The following USP25 variants were observed in gnomAD, a reference collection of about 807,000 sequenced individuals.
USP25 encodes the protein ubiquitin specific peptidase 25.
In USP25, 85 loss-of-function variants were observed where a neutral mutation model predicts 158.5. The observed-to-expected ratio is 0.54, with a 90% CI of 0.45 to 0.64. The LOEUF is 0.64. Among genes scored for constraint, USP25 ranks in the 30% least tolerant of loss-of-function variants. USP25 has a pLI of 0.00. For synonymous variants in USP25, 464 were observed against 460.4 expected, an observed-to-expected ratio of 1.01 and a Z score of -0.10; for missense variants, 1,242 against 1,327.3, an observed-to-expected ratio of 0.94 and a Z score of 1.00.
rs2036318400 is a variant in USP25, at chr21:15,805,153, G to A, written c.675G>A (p.Leu225=). The A allele has an allele frequency of 6.2e-7, 1 of 1,603,848 alleles. No individual in the cohort carries two copies. The highest frequency in any genetic ancestry group is 1.3e-5 in the African/African-American group (1 of 74,146). ...EHRNLPFMRE[L]RYLFALLVGT... ...GGAATTTGCCTTTTATGCGTGAGCT[G>A]AGGTATCTATTTGCACTTCTTGTTG... The change falls in exon 7 of 26, where the codon CTG becomes CTA. Residue 225 remains leucine (L), a synonymous_variant. Coordinates refer to ENST00000400183, the MANE Select transcript of USP25 (RefSeq NM_001283041.3).
chr21:15,802,027 T>C (rs1245281788), intron 6 of USP25, among the ~76,000 whole-genome samples: 1 of 151,524 alleles, frequency 6.6e-6, no homozygotes, highest in Non-Finnish European at 1.5e-5. Flanking sequence ...GATGTAATCA[T>C]CCCCTCTCCC....
intron 5 of USP25, among the ~76,000 whole-genome samples, chr21:15,792,892 T>C (rs529834378): frequency 5.3e-5 from 8 of 151,748 alleles, no homozygotes; most frequent in African/African-American, 1.9e-4. Flanking sequence ...TTAACATAAA[T>C]CTATAGTAGT....
chr21:15,813,909 T>C (rs1173716874), intron 9 of USP25, among the ~76,000 whole-genome samples: 1 of 151,894 alleles, frequency 6.6e-6, no homozygotes, highest in Non-Finnish European at 1.5e-5. Flanking sequence ...GTTTCTGATA[T>C]AGTTTGGTCA....
chr21:15,878,131 T>C, intron 25 of USP25, 140 bp downstream of exon 25: 1 of 1,068,872 alleles, frequency 9.4e-7, no homozygotes, highest in Non-Finnish European at 1.3e-6. Context: ...GATTACTCTT[T>C]TTCCATATTG....
chr21:15,864,817 A>G (rs2039586149), intron 21 of USP25, among the ~76,000 whole-genome samples: 1 of 152,116 alleles, frequency 6.6e-6, no homozygotes, highest in African/African-American at 2.4e-5. Flanking sequence ...AATATCCCTC[A>G]TCTCTTCGTT....
chr21:15,830,395 T>C, intron 14 of USP25, 136 bp from the exon 15 acceptor site: 1 of 589,970 alleles, frequency 1.7e-6, no homozygotes, highest in Non-Finnish European at 2.9e-6. Flanking sequence ...AGATTTCAAA[T>C]GGTAATGTTT....
At chr21:15,751,608 C>A (rs7278387) in intron 1 of USP25, among the ~76,000 whole-genome samples, 2,732 of 152,230 alleles carry the variant, frequency 0.018, 69 homozygotes, top group African/African-American at 0.062. Flanking sequence ...ATTTAAACTG[C>A]AGACATAGTG....
intron 23 of USP25, among the ~76,000 whole-genome samples, chr21:15,873,375 C>A (rs992610961): frequency 1.3e-5 from 2 of 152,076 alleles, no homozygotes; most frequent in Non-Finnish European, 1.5e-5. Flanking sequence ...GTCACCACCA[C>A]CTCCCAAAGT....
intron 19 of USP25, among the ~76,000 whole-genome samples, chr21:15,848,893 C>G (rs953831749): frequency 5.9e-5 from 9 of 152,096 alleles, no homozygotes; most frequent in Non-Finnish European, 1.3e-4. Flanking sequence ...GAGGCAATCT[C>G]TTGATTTCTG....
chr21:15,825,121 GA>G lies in USP25; in HGVS notation c.1304+61del, dbSNP rs1181862072. ...TCAGAAACCATGTATTTGGTGACTA[GA>G]TTTTTAATTTCAAATTTGCTTTGAG... On this transcript the variant is annotated intron_variant, in intron 12 of 25. Coordinates refer to ENST00000400183, the MANE Select transcript of USP25 (RefSeq NM_001283041.3). 9.5e-5 allele frequency: 121 copies of G among 1,278,020 alleles called. 1 individual carries two copies. The East Asian group carries it at 2.8e-3, about 30-fold the overall frequency. The allele number at this position is 1,278,020 out of a possible 1,614,324, so 79.2% of individuals were successfully genotyped here. A position where few individuals can be genotyped will look rare whatever the true frequency, so the allele number is the denominator to read the frequency against.
chr21:15,745,205 A>T (rs1170240281), intron 1 of USP25: 5 of 152,048 alleles, frequency 3.3e-5, no homozygotes, highest in Non-Finnish European at 7.4e-5. Flanking sequence ...TCTTTTCCTT[A>T]TTGACCATTT....
At position 15,732,652 on chromosome 21, in the gene USP25, A is replaced by C. The variant is rs1210549725; in HGVS notation, c.45+2214A>C. Among the ~76,000 whole-genome samples, 5 of 152,216 alleles carry C rather than the reference A, an allele frequency of 3.3e-5. No individual in the cohort carries two copies. The East Asian group carries it at 9.6e-4, about 29-fold the overall frequency. Reference sequence around the variant, plus strand: ...AACTGTGTGTACATATGTGTTTTTAAATTTTAAGTATTTACTATTTAAAAT... The same window carrying C: ...AACTGTGTGTACATATGTGTTTTTACATTTTAAGTATTTACTATTTAAAAT... On this transcript the variant is annotated intron_variant, in intron 1 of 25. Coordinates refer to ENST00000400183, the MANE Select transcript of USP25 (RefSeq NM_001283041.3).
intron 3 of USP25, among the ~76,000 whole-genome samples, chr21:15,771,529 G>C (rs1024144634): frequency 6.6e-6 from 1 of 152,180 alleles, no homozygotes; most frequent in African/African-American, 2.4e-5. Flanking sequence ...GAGATGAATA[G>C]TGAGGACACA....
At chr21:15,776,970 A>T (rs1427107608) in intron 3 of USP25, among the ~76,000 whole-genome samples, 1 of 152,234 alleles carries the variant, frequency 6.6e-6, no homozygotes, top group Non-Finnish European at 1.5e-5. Context: ...ATTATTTTGT[A>T]ACCTGTTACC....
At chr21:15,760,936 C>T (rs2033686072) in intron 1 of USP25, among the ~76,000 whole-genome samples, 1 of 152,144 alleles carries the variant, frequency 6.6e-6, no homozygotes, top group Admixed American at 6.5e-5. Flanking sequence ...TTATATTTCT[C>T]CGGTTGTCTC....
At position 15,731,719 on chromosome 21, in the gene USP25, A is replaced by G. The variant is rs142780298; in HGVS notation, c.45+1281A>G. Among the ~76,000 whole-genome samples, 356 of 152,378 alleles carry G rather than the reference A, an allele frequency of 2.3e-3. 3 individuals are homozygous for G. The highest frequency in any genetic ancestry group is 8.1e-3 in the African/African-American group (335 of 41,598). On this transcript the variant is annotated intron_variant, in intron 1 of 25. Coordinates refer to ENST00000400183, the MANE Select transcript of USP25 (RefSeq NM_001283041.3). Reference sequence around the variant, plus strand: ...AAGTTAGAAGGATATTGCACACTGCACTTTATTTACAGTGAAATAATTCAA... The same window carrying G: ...AAGTTAGAAGGATATTGCACACTGCGCTTTATTTACAGTGAAATAATTCAA...
chr21:15,878,327 A>AT lies in USP25; in HGVS notation c.3236dup (p.Leu1079PhefsTer6). The AT allele has an allele frequency of 6.2e-7, 1 of 1,612,192 alleles. No homozygotes were observed. The highest frequency in any genetic ancestry group is 8.5e-7 in the Non-Finnish European group (1 of 1,179,186). ...GCACACCTCCAAGAAAAGCTGACAGATTTTTTGCCAAAACTGCTTGATTGT... is the reference window on the plus strand; with the variant it reads ...GCACACCTCCAAGAAAAGCTGACAGATTTTTTTGCCAAAACTGCTTGATTGT... On this transcript the variant is annotated frameshift_variant, in exon 26 of 26. Transcript: ENST00000400183. LOFTEE classifies it high-confidence loss of function.
At chr21:15,854,395 C>T (rs1343266234) in intron 20 of USP25, among the ~76,000 whole-genome samples, 4 of 152,074 alleles carry the variant, frequency 2.6e-5, no homozygotes, top group South Asian at 2.1e-4. Context: ...CTGCCCTCTT[C>T]GGCCTCCCAA....
At chr21:15,841,190 T>G (rs188635416) in intron 17 of USP25, among the ~76,000 whole-genome samples, 14 of 152,336 alleles carry the variant, frequency 9.2e-5, no homozygotes, top group Non-Finnish European at 1.5e-5. Context: ...AAAAACTTGG[T>G]GTGTTCATGT....
Sources: allele counts gnomAD v4.1 joint callset (sites outside exome capture counted in the v4.1 genomes callset), GRCh38; gene constraint gnomAD v4.1.1; transcripts MANE v1.5; gene names NCBI Gene and HGNC (gene_info 2026-07-23, HGNC 2026-07-21).